Variants in PTPRD observed in about 807,000 individuals in gnomAD.
The protein encoded by PTPRD is protein tyrosine phosphatase receptor type D.
Under a neutral mutation model 214.5 loss-of-function variants are expected in PTPRD, and 34 were observed. That is an observed-to-expected ratio of 0.16 (90% CI 0.12 to 0.21). The LOEUF (loss-of-function observed/expected upper bound fraction) is 0.21. Ranked by LOEUF, PTPRD falls within the 10% of genes least tolerant of loss-of-function variation. PTPRD has a pLI of 1.00. For missense variants in PTPRD, 2,545 were observed against 2,398.7 expected, an observed-to-expected ratio of 1.06 and a Z score of -1.27; for synonymous variants, 1,128 against 845.7, an observed-to-expected ratio of 1.33 and a Z score of -5.79.
At chr9:10,405,676 G>A (rs893163897) in intron 2 of PTPRD, among the ~76,000 whole-genome samples, 2 of 151,436 alleles carry the variant, frequency 1.3e-5, no homozygotes, top group Non-Finnish European at 3.0e-5. Context: ...CCAATAACAA[G>A]CTTATATCTG....
intron 7 of PTPRD, among the ~76,000 whole-genome samples, chr9:9,627,075 A>G (rs1318947788): frequency 6.6e-6 from 1 of 152,168 alleles, no homozygotes; most frequent in Non-Finnish European, 1.5e-5. Context: ...ACACTTTGGG[A>G]GGCCAAGGCT....
intron 3 of PTPRD, among the ~76,000 whole-genome samples, chr9:10,270,884 G>C (rs2094379534): frequency 1.3e-5 from 2 of 151,968 alleles, no homozygotes; most frequent in Admixed American, 6.6e-5. Context: ...AGTCTGGAGT[G>C]CAGTGGTGCA....
At chr9:10,033,687 A>G (rs1464857567) in intron 4 of PTPRD, 31 bp downstream of exon 4, 1 of 152,102 alleles carries the variant, frequency 6.6e-6, no homozygotes, top group Non-Finnish European at 1.5e-5. Flanking sequence ...ATTGAGCATT[A>G]AAAAGAAAAA....
chr9:10,463,772 A>G (rs1425162089), intron 2 of PTPRD, among the ~76,000 whole-genome samples: 1 of 152,066 alleles, frequency 6.6e-6, no homozygotes, highest in East Asian at 1.9e-4. Flanking sequence ...GTGATCCAAG[A>G]AAAAAAGAGG....
chr9:8,851,753 A>G (rs1434840690), intron 11 of PTPRD, among the ~76,000 whole-genome samples: 1 of 152,126 alleles, frequency 6.6e-6, no homozygotes, highest in African/African-American at 2.4e-5. Context: ...CATTCCCTCC[A>G]TTTTACAGAT....
intron 14 of PTPRD, among the ~76,000 whole-genome samples, chr9:8,578,074 C>A (rs557911834): frequency 1.3e-5 from 2 of 152,282 alleles, no homozygotes; most frequent in Admixed American, 1.3e-4. Context: ...CAGTTAATTT[C>A]ATTGCGCTTT....
At chr9:9,423,958 G>T (rs1170964367) in intron 8 of PTPRD, among the ~76,000 whole-genome samples, 1 of 152,160 alleles carries the variant, frequency 6.6e-6, no homozygotes, top group Non-Finnish European at 1.5e-5. Context: ...ACCACTCCAA[G>T]ATTAAGGCAG....
At chr9:10,327,180 T>C (rs866181517) in intron 3 of PTPRD, among the ~76,000 whole-genome samples, 20 of 147,670 alleles carry the variant, frequency 1.4e-4, no homozygotes, top group Middle Eastern at 3.5e-3. Flanking sequence ...TGTATATATA[T>C]ATATATATAT....
intron 3 of PTPRD, among the ~76,000 whole-genome samples, chr9:10,249,925 A>G (rs574575621): frequency 6.6e-6 from 1 of 152,308 alleles, no homozygotes; most frequent in African/African-American, 2.4e-5. Flanking sequence ...ATTTTCCTCT[A>G]AACACAATTA....
At chr9:9,175,840 C>T (rs1027331551) in intron 10 of PTPRD, among the ~76,000 whole-genome samples, 4 of 151,888 alleles carry the variant, frequency 2.6e-5, no homozygotes, top group Non-Finnish European at 5.9e-5. Flanking sequence ...AATGGGTCAT[C>T]GACTAGCAAA....
chr9:10,503,784 T>A (rs10809103), intron 2 of PTPRD, among the ~76,000 whole-genome samples: 33,808 of 151,368 alleles, frequency 0.22, 4,529 homozygotes, highest in Non-Finnish European at 0.29. Context: ...TAGGGGACAA[T>A]AGATGTCCAG....
intron 2 of PTPRD, among the ~76,000 whole-genome samples, chr9:10,431,897 AGC>A (rs2098682935): frequency 6.6e-6 from 1 of 152,086 alleles, no homozygotes; most frequent in East Asian, 1.9e-4. Flanking sequence ...AGGGATCTAG[AGC>A]TAGAAATACC....
chr9:10,074,155 T>G (rs931978130), intron 3 of PTPRD, among the ~76,000 whole-genome samples: 2 of 152,128 alleles, frequency 1.3e-5, no homozygotes, highest in South Asian at 2.1e-4. Context: ...CTGCCGATGT[T>G]TACTGGATAG....
chr9:9,269,669 T>G (rs981859919), intron 9 of PTPRD, among the ~76,000 whole-genome samples: 3 of 151,488 alleles, frequency 2.0e-5, no homozygotes, highest in African/African-American at 7.3e-5. Context: ...TAAACATTAT[T>G]CAGCATTAAG....
intron 8 of PTPRD, among the ~76,000 whole-genome samples, chr9:9,422,706 G>T (rs531212996): frequency 6.6e-6 from 1 of 152,114 alleles, no homozygotes; most frequent in Non-Finnish European, 1.5e-5. Flanking sequence ...AAAAGTTAGG[G>T]TGTATATCTA....
chr9:8,360,285 T>C (rs1388682276), intron 39 of PTPRD, among the ~76,000 whole-genome samples: 1 of 152,216 alleles, frequency 6.6e-6, no homozygotes, highest in East Asian at 1.9e-4. Context: ...GATTCTAAAG[T>C]TGCTTAACTT....
intron 3 of PTPRD, among the ~76,000 whole-genome samples, chr9:10,315,971 G>C (rs1168281845): frequency 1.3e-5 from 2 of 151,726 alleles, no homozygotes; most frequent in Non-Finnish European, 2.9e-5. Context: ...TTTGGATCCA[G>C]ATTAGCCACT....
At chr9:9,810,798 C>T (rs958019864) in intron 5 of PTPRD, among the ~76,000 whole-genome samples, 2 of 151,724 alleles carry the variant, frequency 1.3e-5, no homozygotes, top group African/African-American at 4.8e-5. Flanking sequence ...ACAAATACAT[C>T]TTTTAAAGCT....
intron 3 of PTPRD, among the ~76,000 whole-genome samples, chr9:10,198,405 C>T (rs1350309523): frequency 1.3e-5 from 2 of 152,102 alleles, no homozygotes; most frequent in Admixed American, 6.6e-5. Context: ...CAGCATCTTA[C>T]AACCATTGGC....
Sources: allele counts gnomAD v4.1 joint callset (sites outside exome capture counted in the v4.1 genomes callset), GRCh38; gene constraint gnomAD v4.1.1; transcripts MANE v1.5; gene names NCBI Gene and HGNC (gene_info 2026-07-23, HGNC 2026-07-21).